OSBPL10: variants seen among roughly 807,000 people sequenced by gnomAD.
The protein encoded by OSBPL10 is oxysterol binding protein like 10, also known as oxysterol-binding protein-related protein 10.
OSBPL10 carries 49 observed loss-of-function variants against 81.7 expected under a neutral mutation model. The ratio of observed to expected loss-of-function variants is 0.60; its 90% CI spans 0.48 to 0.76. The LOEUF (loss-of-function observed/expected upper bound fraction) is 0.76, where lower values mean the gene tolerates loss of function less well. Ranked by LOEUF, OSBPL10 falls within the 30% of genes least tolerant of loss-of-function variation. OSBPL10 has a pLI of 0.00. For missense variants in OSBPL10, 923 were observed against 987.8 expected (o/e 0.93, Z 0.88); for synonymous variants, 419 against 383.6 (o/e 1.09, Z -1.08).
chr3:31,917,044 G>T (rs910306714), intron 1 of OSBPL10, among the ~76,000 whole-genome samples: 13 of 152,180 alleles, frequency 8.5e-5, no homozygotes, highest in African/African-American at 3.1e-4. Flanking sequence ...GTGCCTCCTT[G>T]CATTACTTTA....
At chr3:31,926,289 G>GACCCCCC (rs1553641096) in intron 1 of OSBPL10, among the ~76,000 whole-genome samples, 2 of 130,114 alleles carry the variant, frequency 1.5e-5, no homozygotes, top group Non-Finnish European at 3.1e-5. Context: ...GGGTGATTTT[G>GACCCCCC]CCCCCCCAGA....
chr3:31,661,067 C>T lies in OSBPL10; in HGVS notation c.*1005G>A, dbSNP rs1238425574. On this transcript the variant is annotated 3_prime_UTR_variant, in exon 12 of 12. Transcript: ENST00000396556. ...TGACCTCATGTGTAAAGGCTAAAAA[C>T]TGAAATTTAACTGAAACCATGGAAT... 1 of 152,602 alleles carries T rather than the reference C, an allele frequency of 6.6e-6. No homozygotes were observed. The highest frequency in any genetic ancestry group is 1.9e-4 in the East Asian group (1 of 5,198). 9.5% of individuals were successfully genotyped at this position (152,602 alleles called of 1,614,324 possible).
At chr3:31,750,428 G>A (rs1685351842) in intron 4 of OSBPL10, among the ~76,000 whole-genome samples, 1 of 152,184 alleles carries the variant, frequency 6.6e-6, no homozygotes, top group African/African-American at 2.4e-5. Context: ...TCACAGAAGT[G>A]CAAGAGAATC....
At position 31,780,766 on chromosome 3, in the gene OSBPL10, T is replaced by C. The variant is rs933859537; in HGVS notation, c.730-32646A>G. ...TCTCCTGGATTAAATTAGGAAGAAA[T>C]AGAAACTCTGAACAGACCAATAACA... On this transcript the variant is annotated intron_variant, in intron 4 of 11. Transcript: ENST00000396556. 3.9e-5 allele frequency among the ~76,000 whole-genome samples: 6 copies of C among 151,916 alleles called. No individual in the cohort carries two copies. The South Asian group carries it at 1.0e-3, about 26-fold the overall frequency.
intron 4 of OSBPL10, among the ~76,000 whole-genome samples, chr3:31,767,742 G>A (rs1259473856): frequency 6.6e-6 from 1 of 152,176 alleles, no homozygotes; most frequent in East Asian, 1.9e-4. Context: ...GCACCCTTCA[G>A]GCTCTGGGTC....
chr3:31,975,198 T>G (rs1244323244), intron 1 of OSBPL10, among the ~76,000 whole-genome samples: 1 of 152,186 alleles, frequency 6.6e-6, no homozygotes, highest in Non-Finnish European at 1.5e-5. Flanking sequence ...CAACCATCCC[T>G]TTTATTATTA....
Position 31,981,217 on chromosome 3 carries a change from T to TGGCGGCCCCGGCACGGC in OSBPL10, c.-55_-39dup. ...CCCGGGACGCGGGTGCCCGCCGCGG[T>TGGCGGCCCCGGCACGGC]GGCGGCCCCGGCACGGCGGCTGCTG... is the stretch of plus-strand genomic sequence containing the variant. On this transcript the variant is annotated 5_prime_UTR_variant, in exon 1 of 12. Coordinates refer to ENST00000396556, the MANE Select transcript of OSBPL10 (RefSeq NM_017784.5). The surrounding 1 kb of genome is among the most constrained non-coding windows in gnomAD (Gnocchi z 4.5). 3 of 1,359,390 alleles carry TGGCGGCCCCGGCACGGC rather than the reference T, an allele frequency of 2.2e-6. No individual in the cohort carries two copies. In the South Asian group the frequency reaches 5.4e-5, roughly 25 times the overall value. The allele number at this position is 1,359,390 out of a possible 1,614,324, so 84.2% of individuals were successfully genotyped here. A position where few individuals can be genotyped will look rare whatever the true frequency, so the allele number is the denominator to read the frequency against.
At chr3:32,058,718 A>G (rs1699731922) in intron 1 of OSBPL10, among the ~76,000 whole-genome samples, 1 of 152,152 alleles carries the variant, frequency 6.6e-6, no homozygotes, top group Non-Finnish European at 1.5e-5. Flanking sequence ...CCTAGGCTGG[A>G]ATACAGTGGT....
intron 4 of OSBPL10, among the ~76,000 whole-genome samples, chr3:31,793,777 AT>A (rs1699098796): frequency 6.6e-6 from 1 of 152,248 alleles, no homozygotes; most frequent in African/African-American, 2.4e-5. Flanking sequence ...TTTTTTGACT[AT>A]AGAGAGTTTA....
intron 1 of OSBPL10, among the ~76,000 whole-genome samples, chr3:31,889,461 T>G (rs747535460): frequency 3.3e-5 from 5 of 152,108 alleles, no homozygotes; most frequent in Non-Finnish European, 7.3e-5. Context: ...TGAAACATTA[T>G]TCAGCCTTAA....
intron 5 of OSBPL10, among the ~76,000 whole-genome samples, chr3:31,743,406 C>T (rs1037720581): frequency 6.6e-6 from 1 of 152,128 alleles, no homozygotes; most frequent in Non-Finnish European, 1.5e-5. Context: ...ACTTCAGACC[C>T]AGTATATCTT....
At chr3:31,981,740 A>T (rs1172689730), upstream of OSBPL10, 1 of 152,254 alleles carries the variant, frequency 6.6e-6, no homozygotes, top group African/African-American at 2.4e-5. The surrounding 1 kb of genome is among the most constrained non-coding windows in gnomAD (Gnocchi z 4.5). Context: ...CCGGCCTGAC[A>T]GGCTCACACG....
At chr3:31,668,296 A>T (rs1700246244) in intron 10 of OSBPL10, among the ~76,000 whole-genome samples, 1 of 152,196 alleles carries the variant, frequency 6.6e-6, no homozygotes, top group Non-Finnish European at 1.5e-5. Flanking sequence ...AGAAAAAAAT[A>T]GTATCTTATT....
intron 4 of OSBPL10, among the ~76,000 whole-genome samples, chr3:31,807,524 T>C (rs1396719765): frequency 6.7e-6 from 1 of 149,556 alleles, no homozygotes; most frequent in Non-Finnish European, 1.5e-5. Context: ...CCTAGCACTT[T>C]GGGAGGCCAA....
rs541434297 is a variant in OSBPL10 at position 31,669,742 on chromosome 3, C to T, written c.1914-918G>A. ...CACAGTTGAAGGAACACCACAGGAA[C>T]GGGGATGCCTGCCCCAAAGCAGCCA... On this transcript the variant is annotated intron_variant, in intron 9 of 11. Coordinates refer to ENST00000396556, the MANE Select transcript of OSBPL10 (RefSeq NM_017784.5). Among the ~76,000 whole-genome samples, 6 of 152,302 alleles carry T rather than the reference C, an allele frequency of 3.9e-5. No homozygotes were observed. In the South Asian group the frequency reaches 1.0e-3, roughly 26 times the overall value.
intron 1 of OSBPL10, among the ~76,000 whole-genome samples, chr3:31,926,292 C>CCCCCCT (rs987421368): frequency 1.4e-5 from 2 of 144,360 alleles, no homozygotes; most frequent in South Asian, 4.6e-4. Flanking sequence ...TGATTTTGCC[C>CCCCCCT]CCCCAGAGGA....
intron 4 of OSBPL10, among the ~76,000 whole-genome samples, chr3:31,796,906 C>T (rs780573883): frequency 6.6e-6 from 1 of 152,082 alleles, no homozygotes. Context: ...CTCTCTACCC[C>T]AAACATTTTC....
chr3:31,739,595 C>CAG (rs1697278682), intron 5 of OSBPL10, among the ~76,000 whole-genome samples: 1 of 152,180 alleles, frequency 6.6e-6, no homozygotes. Context: ...GAAGACATAC[C>CAG]AGAGCTCGGT....
At chr3:31,770,006 C>T (rs1698329548) in intron 4 of OSBPL10, among the ~76,000 whole-genome samples, 1 of 152,072 alleles carries the variant, frequency 6.6e-6, no homozygotes, top group Non-Finnish European at 1.5e-5. Context: ...TCTGCCTGTA[C>T]CTAGAAGCAT....
Sources: allele counts gnomAD v4.1 joint callset (sites outside exome capture counted in the v4.1 genomes callset), GRCh38; gene constraint gnomAD v4.1.1; non-coding constraint Gnocchi (gnomAD v3.1); transcripts MANE v1.5; gene names NCBI Gene and HGNC (gene_info 2026-07-23, HGNC 2026-07-21).